CLIC1: variants seen among roughly 807,000 people sequenced by gnomAD.
CLIC1 encodes the protein CLIC family member 1.
CLIC1 carries 16 observed loss-of-function variants against 26.4 expected under a neutral mutation model. The observed-to-expected ratio is 0.61, with a 90% confidence interval of 0.41 to 0.92. The LOEUF (loss-of-function observed/expected upper bound fraction) is 0.92, where lower values mean the gene tolerates loss of function less well. Ranked by LOEUF, CLIC1 falls within the 40% of genes least tolerant of loss-of-function variation. The pLI is 0.00. For missense variants in CLIC1, 225 were observed against 289.7 expected (o/e 0.78, Z 1.62); for synonymous variants, 98 against 120.8 (o/e 0.81, Z 1.24).
At chr6:31,735,495 T>C (rs573184434) in intron 1 of CLIC1, among the ~76,000 whole-genome samples, 11 of 146,556 alleles carry the variant, frequency 7.5e-5, no homozygotes, top group East Asian at 2.0e-4. Flanking sequence ...GAGGAGAGAG[T>C]TGGGGCAAGT....
chr6:31,734,347 A>G lies in CLIC1; in HGVS notation c.40-84T>C, dbSNP rs1331423106. 1.7e-5 allele frequency: 17 copies of G among 1,026,568 alleles called. No individual in the cohort carries two copies. Among genetic ancestry groups the G allele is most frequent in the Non-Finnish European group, 2.4e-5 (16 of 670,686 alleles). The allele number at this position is 1,026,568 out of a possible 1,614,324, so 63.6% of individuals were successfully genotyped here. A position where few individuals can be genotyped will look rare whatever the true frequency, so the allele number is the denominator to read the frequency against. ...GTCCCTGCATTCCCACTCCCAGACC[A>G]GCTGTTTTCTGCCTAGTCATGACAC... On this transcript the variant is annotated intron_variant, in intron 1 of 5. Transcript: ENST00000375784. This position sits in a 1 kb window ranked among gnomAD's most constrained non-coding sequence, Gnocchi z 5.3.
chr6:31,735,297 A>G lies in CLIC1; in HGVS notation c.39+965T>C, dbSNP rs375470390. On this transcript the variant is annotated intron_variant, in intron 1 of 5. Coordinates refer to ENST00000375784, the Ensembl canonical transcript of CLIC1. ...ACAAACGGAGCGGGGAGAAGAGGAC[A>G]CTGTTAAGGAAGGGAGGGAGGGGCA... 4.5e-3 allele frequency among the ~76,000 whole-genome samples: 685 copies of G among 151,462 alleles called. 28 individuals carry two copies. The South Asian group carries it at 0.082, about 18-fold the overall frequency.
rs746283677 is a variant in CLIC1, at chr6:31,730,979, A to G, written c.589T>C (p.Phe197Leu). Residue 197 changes from phenylalanine (F) to leucine (L), a missense_variant, in exon 6 of 6, where the codon TTC (phenylalanine) becomes CTC (leucine). Physicochemically the swap from Phe to Leu is conservative, Grantham distance 22. Transcript: ENST00000375784. This position sits in a 1 kb window ranked among gnomAD's most constrained non-coding sequence, Gnocchi z 5.1. ...CCCCGGAAGGCCTCGGGGATGGTGA[A>G]TCCCCGGTACTTCTTACACACCACC... The G allele has an allele frequency of 6.2e-7, 1 of 1,612,962 alleles. No homozygotes were observed. The highest frequency in any genetic ancestry group is 1.1e-5 in the South Asian group (1 of 91,060).
In CLIC1 at chr6:31,730,949, G is replaced by A; in HGVS notation, c.619C>T (p.His207Tyr). Residue 207 changes from histidine to tyrosine, a missense_variant, in exon 6 of 6, where the codon CAT (histidine) becomes TAT (tyrosine). Coordinates refer to ENST00000375784, the Ensembl canonical transcript of CLIC1. The surrounding 1 kb of genome is among the most constrained non-coding windows in gnomAD (Gnocchi z 5.1). The stretch of plus-strand genomic sequence containing the variant: ...GCGTAGGCATTGCTCAAGTACCGAT[G>A]CACTCCCCGGAAGGCCTCGGGGATG... 6.2e-7 allele frequency: 1 copy of A among 1,613,038 alleles called. No individual in the cohort carries two copies. Among genetic ancestry groups the A allele is most frequent in the Non-Finnish European group, 8.5e-7 (1 of 1,179,984 alleles).
chr6:31,734,514 G>A lies in CLIC1; in HGVS notation c.40-251C>T, dbSNP rs373292411. Among the ~76,000 whole-genome samples the A allele has an allele frequency of 5.3e-5, 8 of 152,250 alleles. No homozygotes were observed. In the East Asian group the frequency reaches 1.3e-3, roughly 26 times the overall value. ...GGTGGGAGGTAGGTAGAGGGAGGAG[G>A]TCCTGGAGAACTTGGGAGGATCTGA... On this transcript the variant is annotated intron_variant, in intron 1 of 5. Coordinates refer to ENST00000375784, the Ensembl canonical transcript of CLIC1. This position sits in a 1 kb window ranked among gnomAD's most constrained non-coding sequence, Gnocchi z 5.3.
chr6:31,736,516 C>A lies in CLIC1; in HGVS notation c.-216G>T. Reference sequence around the variant, plus strand: ...CAGCTCCTCCAGCTCGGTCCTCTCCCGGGCTGGATCAGAGAGCCGCTGACT... The same window carrying A: ...CAGCTCCTCCAGCTCGGTCCTCTCCAGGGCTGGATCAGAGAGCCGCTGACT... On this transcript the variant is annotated 5_prime_UTR_variant, in exon 1 of 6. Coordinates refer to ENST00000375784, the Ensembl canonical transcript of CLIC1. This position sits in a 1 kb window ranked among gnomAD's most constrained non-coding sequence, Gnocchi z 5.0. 1 of 1,382,538 alleles carries A rather than the reference C, an allele frequency of 7.2e-7. No individual in the cohort carries two copies. Among genetic ancestry groups the A allele is most frequent in the Non-Finnish European group, 9.4e-7 (1 of 1,068,288 alleles). 85.6% of individuals were successfully genotyped at this position (1,382,538 alleles called of 1,614,324 possible).
chr6:31,732,106 C>G lies in CLIC1; in HGVS notation c.564+111G>C. 1 of 944,402 alleles carries G rather than the reference C, an allele frequency of 1.1e-6. No individual in the cohort carries two copies. Among genetic ancestry groups the G allele is most frequent in the Non-Finnish European group, 1.5e-6 (1 of 676,462 alleles). The allele number at this position is 944,402 out of a possible 1,614,324, so 58.5% of individuals were successfully genotyped here. A position where few individuals can be genotyped will look rare whatever the true frequency, so the allele number is the denominator to read the frequency against. On this transcript the variant is annotated intron_variant, in intron 5 of 5. Transcript: ENST00000375784. The surrounding 1 kb of genome is among the most constrained non-coding windows in gnomAD (Gnocchi z 5.0). ...TGCCATTGGTAGCAATTTATGAAAACCACCCTAAGAAAGAAATCGTCTTTA... is the reference window on the plus strand; with the variant it reads ...TGCCATTGGTAGCAATTTATGAAAAGCACCCTAAGAAAGAAATCGTCTTTA...
Position 31,733,893 on chromosome 6 carries a change from A to C in CLIC1, c.218T>G (p.Val73Gly). 6.2e-7 allele frequency: 1 copy of C among 1,613,936 alleles called. No homozygotes were observed. The highest frequency in any genetic ancestry group is 8.5e-7 in the Non-Finnish European group (1 of 1,180,014). ...CTCAATCTTGTTGGTGTCTGTGTGCACTTCAGTGCCATACAGCAGGAATGG... is the reference window on the plus strand; with the variant it reads ...CTCAATCTTGTTGGTGTCTGTGTGCCCTTCAGTGCCATACAGCAGGAATGG... The change falls in exon 3 of 6, where the codon GTG becomes GGG. Residue 73 changes from valine (V) to glycine (G), a missense_variant. Coordinates refer to ENST00000375784, the Ensembl canonical transcript of CLIC1. The surrounding 1 kb of genome is among the most constrained non-coding windows in gnomAD (Gnocchi z 5.4).
chr6:31,736,601 T>C, upstream of CLIC1: 2 of 1,284,604 alleles, frequency 1.6e-6, no homozygotes, highest in Non-Finnish European at 2.0e-6. The surrounding 1 kb of genome is among the most constrained non-coding windows in gnomAD (Gnocchi z 5.0). Context: ...GACTCGACGA[T>C]GTAGGGAGTG....
rs931304225 is a variant in CLIC1, at chr6:31,733,451, C to T, written c.382+115G>A. ...AAAATGGGAAGCTGGGGGAAATTTA[C>T]GAACATCTGCTTCATCTCCCTGATA... On this transcript the variant is annotated intron_variant, in intron 4 of 5. Coordinates refer to ENST00000375784, the Ensembl canonical transcript of CLIC1. This position sits in a 1 kb window ranked among gnomAD's most constrained non-coding sequence, Gnocchi z 5.4. The T allele has an allele frequency of 9.6e-6, 7 of 725,478 alleles. No homozygotes were observed. Among genetic ancestry groups the T allele is most frequent in the African/African-American group, 7.1e-5 (4 of 56,372 alleles). 44.9% of individuals were successfully genotyped at this position (725,478 alleles called of 1,614,324 possible).
chr6:31,730,792 A>C lies in CLIC1; in HGVS notation c.*50T>G, dbSNP rs758924005. 53 of 1,601,320 alleles carry C rather than the reference A, an allele frequency of 3.3e-5. No homozygotes were observed. In the South Asian group the frequency reaches 4.6e-4, roughly 14 times the overall value. Reference sequence around the variant, plus strand: ...ATTGGGTAGCAATGTGGAAACCACCAGGGCCTTTGTGGAGAAAATGGAGGG... The same window carrying C: ...ATTGGGTAGCAATGTGGAAACCACCCGGGCCTTTGTGGAGAAAATGGAGGG... On this transcript the variant is annotated 3_prime_UTR_variant, in exon 6 of 6. Transcript: ENST00000375784. This position sits in a 1 kb window ranked among gnomAD's most constrained non-coding sequence, Gnocchi z 5.1.
rs1402998882 is a variant in CLIC1, at chr6:31,732,643, T to G, written c.383-245A>C. 6.6e-6 allele frequency among the ~76,000 whole-genome samples: 1 copy of G among 151,850 alleles called. No homozygotes were observed. Among genetic ancestry groups the G allele is most frequent in the Non-Finnish European group, 1.5e-5 (1 of 67,956 alleles). Reference sequence around the variant, plus strand: ...TCACTGCAACCTCTGCCTCCTAGATTCAAATGATTCTCCTGCCTCAGCCTC... The same window carrying G: ...TCACTGCAACCTCTGCCTCCTAGATGCAAATGATTCTCCTGCCTCAGCCTC... On this transcript the variant is annotated intron_variant, in intron 4 of 5. Transcript: ENST00000375784. This position sits in a 1 kb window ranked among gnomAD's most constrained non-coding sequence, Gnocchi z 5.0.
At chr6:31,736,822 G>A, upstream of CLIC1, 1 of 988,016 alleles carries the variant, frequency 1.0e-6, no homozygotes, top group Non-Finnish European at 1.2e-6. The surrounding 1 kb of genome is among the most constrained non-coding windows in gnomAD (Gnocchi z 5.0). Context: ...TGAAGATTCA[G>A]GGATGGGGAC....
Position 31,732,911 on chromosome 6 carries a change from C to T in CLIC1, c.383-513G>A, listed in dbSNP as rs1808071459. Among the ~76,000 whole-genome samples, 3 of 151,684 alleles carry T rather than the reference C, an allele frequency of 2.0e-5. No individual in the cohort carries two copies. Among genetic ancestry groups the T allele is most frequent in the Admixed American group, 6.6e-5 (1 of 15,244 alleles). ...CCGAGGCAGGTGGATCACCTGAGGT[C>T]GGGAGTTCAAGACCAGCCTGGCCAA... is the stretch of plus-strand genomic sequence containing the variant. On this transcript the variant is annotated intron_variant, in intron 4 of 5. Coordinates refer to ENST00000375784, the Ensembl canonical transcript of CLIC1. The surrounding 1 kb of genome is among the most constrained non-coding windows in gnomAD (Gnocchi z 5.0).
Position 31,733,818 on chromosome 6 carries a change from TTC to T in CLIC1, c.275+16_275+17del, listed in dbSNP as rs772720208. On this transcript the variant is annotated intron_variant, in intron 3 of 5. Coordinates refer to ENST00000375784, the Ensembl canonical transcript of CLIC1. The surrounding 1 kb of genome is among the most constrained non-coding windows in gnomAD (Gnocchi z 5.4). The stretch of plus-strand genomic sequence containing the variant: ...AATCTCCCTGCTCCACCTCTCCACT[TTC>T]TGAGTGCCCCTATACCTGGGAGGGC... The T allele has an allele frequency of 4.3e-6, 7 of 1,613,382 alleles. No individual in the cohort carries two copies. In the Admixed American group the frequency reaches 8.3e-5, roughly 19 times the overall value.
At chr6:31,735,807 C>CACA (rs1808288581) in intron 1 of CLIC1, among the ~76,000 whole-genome samples, 87 of 124,980 alleles carry the variant, frequency 7.0e-4, no homozygotes, top group African/African-American at 2.4e-3. Context: ...GCGTCTCCAT[C>CACA]CACACACACA....
At position 31,733,278 on chromosome 6, in the gene CLIC1, G is replaced by A. The variant is rs1357145319; in HGVS notation, c.382+288C>T. Among the ~76,000 whole-genome samples, 1 of 152,144 alleles carries A rather than the reference G, an allele frequency of 6.6e-6. No homozygotes were observed. Among genetic ancestry groups the A allele is most frequent in the East Asian group, 1.9e-4 (1 of 5,196 alleles). ...TCAGGTAGTCTGGATCTAGAGTGAT[G>A]ACTGTTCTTAAGCATGACCCTATTC... On this transcript the variant is annotated intron_variant, in intron 4 of 5. Coordinates refer to ENST00000375784, the Ensembl canonical transcript of CLIC1. The surrounding 1 kb of genome is among the most constrained non-coding windows in gnomAD (Gnocchi z 5.4).
Position 31,730,648 on chromosome 6 carries a change from C to T in CLIC1, c.*194G>A. The T allele has an allele frequency of 1.7e-6, 1 of 599,730 alleles. No homozygotes were observed. Among genetic ancestry groups the T allele is most frequent in the Non-Finnish European group, 3.0e-6 (1 of 335,204 alleles). 37.2% of individuals were successfully genotyped at this position (599,730 alleles called of 1,614,324 possible). A position where few individuals can be genotyped will look rare whatever the true frequency, so the allele number is the denominator to read the frequency against. ...AAATATGTTGTCCTACTCATCCCAC[C>T]CCACAATAAAAATCTGACCCAGGCC... is the stretch of plus-strand genomic sequence containing the variant. On this transcript the variant is annotated 3_prime_UTR_variant, in exon 6 of 6. Transcript: ENST00000375784. The surrounding 1 kb of genome is among the most constrained non-coding windows in gnomAD (Gnocchi z 5.1).
rs373516703 is a variant in CLIC1 at position 31,732,831 on chromosome 6, C to A, written c.383-433G>T. Among the ~76,000 whole-genome samples the A allele has an allele frequency of 3.3e-5, 5 of 151,262 alleles. No homozygotes were observed. The highest frequency in any genetic ancestry group is 1.2e-4 in the African/African-American group (5 of 41,332). On this transcript the variant is annotated intron_variant, in intron 4 of 5. Coordinates refer to ENST00000375784, the Ensembl canonical transcript of CLIC1. The surrounding 1 kb of genome is among the most constrained non-coding windows in gnomAD (Gnocchi z 5.0). ...GTGAACACTTTACATTTTACAAACTCATTTATATCGCCGGGTGCAGTGGCT... is the reference window on the plus strand; with the variant it reads ...GTGAACACTTTACATTTTACAAACTAATTTATATCGCCGGGTGCAGTGGCT...
Sources: gnomAD v4.1 joint callset for allele counts (sites outside exome capture counted in the v4.1 genomes callset) on GRCh38, gnomAD v4.1.1 for gene constraint, Gnocchi (gnomAD v3.1) non-coding constraint, MANE v1.5 for transcripts, NCBI Gene and HGNC (gene_info 2026-07-23, HGNC 2026-07-21) for gene names.